The following ALDH1A1 variants were observed in gnomAD, a reference collection of about 807,000 sequenced individuals.
The protein encoded by ALDH1A1 is aldehyde dehydrogenase 1 family member A1, also known as aldehyde dehydrogenase 1A1.
ALDH1A1 carries 19 observed loss-of-function variants against 62.1 expected under a neutral mutation model. That is an observed-to-expected ratio of 0.31 (90% CI 0.21 to 0.45). The LOEUF is 0.45. Ranked by LOEUF, ALDH1A1 falls within the 20% of genes least tolerant of loss-of-function variation. The pLI is 1.00. For synonymous variants in ALDH1A1, 231 were observed against 215.9 expected (o/e 1.07, Z -0.61); for missense variants, 521 against 607.1 (o/e 0.86, Z 1.49).
chr9:72,921,839 G>A (rs1229822284), intron 7 of ALDH1A1, among the ~76,000 whole-genome samples: 1 of 152,042 alleles, frequency 6.6e-6, no homozygotes, highest in Non-Finnish European at 1.5e-5. Flanking sequence ...GGCATGCACT[G>A]TTATTATATG....
Position 72,909,651 on chromosome 9 carries a change from T to C in ALDH1A1, c.1309A>G (p.Ile437Val), listed in dbSNP as rs756849804. ...GLSAGVFTKD[I>V]DKAITISSAL... ...GAGGAGATTGTTATGGCTTTATCAA[T>C]GTCTTTGGTAAACACTCCTGCTGAT... Residue 437 changes from isoleucine (I) to valine (V), a missense_variant, in exon 11 of 13, where the codon ATT becomes GTT. Coordinates refer to ENST00000297785, the MANE Select transcript of ALDH1A1 (RefSeq NM_000689.5). 10 of 1,613,970 alleles carry C rather than the reference T, an allele frequency of 6.2e-6. 1 individual carries two copies. Among genetic ancestry groups the C allele is most frequent in the Middle Eastern group, 1.6e-4 (1 of 6,078 alleles).
intron 2 of ALDH1A1, among the ~76,000 whole-genome samples, chr9:72,938,241 CAAT>C (rs570620705): frequency 6.6e-6 from 1 of 151,600 alleles, no homozygotes. Context: ...TTTCCTGCAG[CAAT>C]AATAATAATA....
At chr9:72,913,570 T>G (rs1282093061) in intron 9 of ALDH1A1, among the ~76,000 whole-genome samples, 1 of 152,218 alleles carries the variant, frequency 6.6e-6, no homozygotes, top group East Asian at 1.9e-4. Flanking sequence ...TATCTGGTTT[T>G]TATTTCAAGA....
At position 72,925,601 on chromosome 9, in the gene ALDH1A1, C is replaced by T. The variant is rs773325316; in HGVS notation, c.516G>A (p.Pro172=). The change falls in exon 6 of 13, where the codon CCG becomes CCA. Residue 172 remains proline (P), a synonymous_variant. Coordinates refer to ENST00000297785, the MANE Select transcript of ALDH1A1 (RefSeq NM_000689.5). ...CTATCTTCCAAATGAGCATAACCAACGGGAAATTCCACTAGAAAGCAATAT... is the reference window on the plus strand; with the variant it reads ...CTATCTTCCAAATGAGCATAACCAATGGGAAATTCCACTAGAAAGCAATAT... ...VCGQIIPWNF[P]LVMLIWKIGP... is the part of the protein sequence containing the mutation. The T allele has an allele frequency of 3.4e-5, 55 of 1,611,450 alleles. No individual in the cohort carries two copies. Among genetic ancestry groups the T allele is most frequent in the Middle Eastern group, 1.6e-4 (1 of 6,066 alleles).
At chr9:72,930,090 C>T (rs1343913667) in intron 3 of ALDH1A1, among the ~76,000 whole-genome samples, 1 of 152,158 alleles carries the variant, frequency 6.6e-6, no homozygotes, top group Non-Finnish European at 1.5e-5. Context: ...TTCTTTGTTA[C>T]TGCCACTTTC....
In ALDH1A1 at chr9:72,927,129, C is replaced by T; in HGVS notation, c.491G>A (p.Gly164Asp). ...AGAAAAGCTTACAGGAATGATTTGG[C>T]CACATACACCAATAGGTTCATGTCT... Reference protein sequence around the residue: ...YTRHEPIGVCGQIIPWNFPLV... With the variant: ...YTRHEPIGVCDQIIPWNFPLV... Residue 164 changes from glycine to aspartate, a missense_variant, in exon 5 of 13, where the codon GGC becomes GAC. Transcript: ENST00000297785. The T allele has an allele frequency of 6.2e-7, 1 of 1,605,356 alleles. No homozygotes were observed. Among genetic ancestry groups the T allele is most frequent in the Non-Finnish European group, 8.5e-7 (1 of 1,175,578 alleles).
At chr9:72,935,807 C>T (rs897010898) in intron 2 of ALDH1A1, among the ~76,000 whole-genome samples, 5 of 152,046 alleles carry the variant, frequency 3.3e-5, no homozygotes, top group Non-Finnish European at 7.3e-5. Flanking sequence ...TCCCTAAAAC[C>T]TCTTGGCTCA....
intron 1 of ALDH1A1, among the ~76,000 whole-genome samples, chr9:72,952,440 AG>A (rs1412590335): frequency 6.6e-6 from 1 of 152,028 alleles, no homozygotes; most frequent in African/African-American, 2.4e-5. Context: ...GTCCATCTGA[AG>A]ATTTTCGAAT....
At chr9:72,949,065 C>G (rs1830507516) in intron 1 of ALDH1A1, among the ~76,000 whole-genome samples, 1 of 151,804 alleles carries the variant, frequency 6.6e-6, no homozygotes, top group Admixed American at 6.6e-5. Flanking sequence ...AACCAGAAAT[C>G]TAGGAAAGCA....
intron 1 of ALDH1A1, among the ~76,000 whole-genome samples, chr9:72,946,882 A>T (rs1830482359): frequency 6.6e-6 from 1 of 151,934 alleles, no homozygotes; most frequent in Non-Finnish European, 1.5e-5. Context: ...TTTCAGAGTC[A>T]TTACCTTTAC....
At position 72,928,819 on chromosome 9, in the gene ALDH1A1, T is replaced by C. The variant is rs552478896; in HGVS notation, c.442+73A>G. ...GGTTGACATCTTTAAAAGGGAGAGTTTGAAATTATTCAGCTCTATAGTAAA... is the reference window on the plus strand; with the variant it reads ...GGTTGACATCTTTAAAAGGGAGAGTCTGAAATTATTCAGCTCTATAGTAAA... On this transcript the variant is annotated intron_variant, in intron 4 of 12. Coordinates refer to ENST00000297785, the MANE Select transcript of ALDH1A1 (RefSeq NM_000689.5). 345 of 1,410,342 alleles carry C rather than the reference T, an allele frequency of 2.4e-4. 2 individuals carry two copies. In the African/African-American group the frequency reaches 4.0e-3, roughly 16 times the overall value. The allele number at this position is 1,410,342 out of a possible 1,614,324, so 87.4% of individuals were successfully genotyped here. A position where few individuals can be genotyped will look rare whatever the true frequency, so the allele number is the denominator to read the frequency against.
intron 2 of ALDH1A1, among the ~76,000 whole-genome samples, chr9:72,937,513 T>C (rs1220128014): frequency 1.3e-5 from 2 of 152,186 alleles, no homozygotes; most frequent in East Asian, 3.9e-4. Flanking sequence ...TCCTCAAGCA[T>C]TTTCTATCTC....
In ALDH1A1 at chr9:72,930,988, C is replaced by T. The variant is rs1442833819; in HGVS notation, c.203G>A (p.Arg68Lys). Reference sequence around the variant, plus strand: ...CGGGGATCCAATCTGAAAAGCCTGTCTTGCGGCCTTCACTGCCTTGTCAAC... The same window carrying T: ...CGGGGATCCAATCTGAAAAGCCTGTTTTGCGGCCTTCACTGCCTTGTCAAC... ...EDVDKAVKAA[R>K]QAFQIGSPWR... The change falls in exon 3 of 13, where the codon AGA (arginine) becomes AAA (lysine). Residue 68 changes from arginine (R) to lysine (K), a missense_variant. Arg to Lys is a conservative substitution (Grantham distance 26). Coordinates refer to ENST00000297785, the MANE Select transcript of ALDH1A1 (RefSeq NM_000689.5). The T allele has an allele frequency of 6.2e-7, 1 of 1,614,020 alleles. No homozygotes were observed. The highest frequency in any genetic ancestry group is 8.5e-7 in the Non-Finnish European group (1 of 1,179,954).
At chr9:72,908,312 G>A (rs1192937792) in intron 11 of ALDH1A1, among the ~76,000 whole-genome samples, 8 of 151,250 alleles carry the variant, frequency 5.3e-5, no homozygotes, top group Non-Finnish European at 1.0e-4. Flanking sequence ...GTACATGCCT[G>A]TAGTCCCAGC....
intron 1 of ALDH1A1, among the ~76,000 whole-genome samples, chr9:72,945,316 A>C (rs1284044246): frequency 1.3e-5 from 2 of 151,872 alleles, no homozygotes; most frequent in Non-Finnish European, 2.9e-5. Context: ...AGTGCCTTAA[A>C]TTAATATTAT....
At position 72,900,893 on chromosome 9, in the gene ALDH1A1, C is replaced by G. The variant is rs8187999; in HGVS notation, c.*315G>C. On this transcript the variant is annotated 3_prime_UTR_variant, in exon 13 of 13. Transcript: ENST00000297785. ...GAAGCTAAATGCAACTGTTCCTTTT[C>G]TATAAAATTATTATCCTGCAAAAGT... 4,140 of 204,484 alleles carry G rather than the reference C, an allele frequency of 0.02. 54 individuals carry two copies. The highest frequency in any genetic ancestry group is 0.035 in the South Asian group (285 of 8,158). The allele number at this position is 204,484 out of a possible 1,614,324, so 12.7% of individuals were successfully genotyped here. A position where few individuals can be genotyped will look rare whatever the true frequency, so the allele number is the denominator to read the frequency against.
In ALDH1A1 at chr9:72,900,988, A is replaced by G. The variant is rs1243938074; in HGVS notation, c.*220T>C. ...CATACATCCGAATTTGTCTTTTTTTATTTAGGATAGGACTTGGGGGTCACA... is the reference window on the plus strand; with the variant it reads ...CATACATCCGAATTTGTCTTTTTTTGTTTAGGATAGGACTTGGGGGTCACA... On this transcript the variant is annotated 3_prime_UTR_variant, in exon 13 of 13. Transcript: ENST00000297785. 7.9e-6 allele frequency: 3 copies of G among 378,476 alleles called. No individual in the cohort carries two copies. Among genetic ancestry groups the G allele is most frequent in the African/African-American group, 6.1e-5 (3 of 49,058 alleles). 23.4% of individuals were successfully genotyped at this position (378,476 alleles called of 1,614,324 possible).
At chr9:72,907,127 A>T (rs1829887247) in intron 11 of ALDH1A1, among the ~76,000 whole-genome samples, 1 of 152,226 alleles carries the variant, frequency 6.6e-6, no homozygotes, top group Admixed American at 6.5e-5. Flanking sequence ...CAGTTCCCGA[A>T]GTTCCACATT....
intron 2 of ALDH1A1, among the ~76,000 whole-genome samples, chr9:72,938,792 G>T (rs1416524814): frequency 3.3e-5 from 5 of 151,204 alleles, no homozygotes; most frequent in African/African-American, 1.2e-4. Context: ...GCCCAGGCTG[G>T]AGTGCAATGG....
Sources: allele counts gnomAD v4.1 joint callset (sites outside exome capture counted in the v4.1 genomes callset), GRCh38; gene constraint gnomAD v4.1.1; transcripts MANE v1.5; gene names NCBI Gene and HGNC (gene_info 2026-07-23, HGNC 2026-07-21).